RFX3: variants seen among roughly 807,000 people sequenced by gnomAD.
RFX3 encodes transcription factor RFX3.
A neutral mutation model predicts 98.6 loss-of-function variants in RFX3; 14 were observed. That is an observed-to-expected ratio of 0.14 (90% CI 0.09 to 0.22). The LOEUF (loss-of-function observed/expected upper bound fraction) is 0.22. Ranked by LOEUF, RFX3 falls within the 10% of genes least tolerant of loss-of-function variation. The pLI is 1.00. For missense variants in RFX3, 639 were observed against 926.9 expected (o/e 0.69, Z 4.03); for synonymous variants, 383 against 328.4 (o/e 1.17, Z -1.80).
chr9:3,249,605 T>A (rs1821116580), intron 14 of RFX3, among the ~76,000 whole-genome samples: 1 of 152,138 alleles, frequency 6.6e-6, no homozygotes, highest in African/African-American at 2.4e-5. Context: ...GTGGCAAGAA[T>A]AGCAATTATT....
intron 4 of RFX3, among the ~76,000 whole-genome samples, chr9:3,309,206 T>G (rs968209320): frequency 7.9e-5 from 12 of 152,110 alleles, no homozygotes; most frequent in African/African-American, 2.7e-4. Context: ...TTCCATGATT[T>G]CTCAGGAATT....
chr9:3,442,092 TG>T (rs1340005161), intron 1 of RFX3, among the ~76,000 whole-genome samples: 1 of 151,894 alleles, frequency 6.6e-6, no homozygotes, highest in Non-Finnish European at 1.5e-5. Flanking sequence ...CCCAGCTACT[TG>T]GGAGGCTGAG....
chr9:3,444,177 G>A (rs1235480168), intron 1 of RFX3, among the ~76,000 whole-genome samples: 5 of 151,982 alleles, frequency 3.3e-5, no homozygotes. Context: ...CTACCAACAG[G>A]TGAATATATA....
chr9:3,231,905 A>G (rs1183602535), intron 15 of RFX3, among the ~76,000 whole-genome samples: 1 of 152,060 alleles, frequency 6.6e-6, no homozygotes. Flanking sequence ...CTCCACTAAA[A>G]ATATAAAAAT....
At chr9:3,306,876 T>C (rs1406833019) in intron 4 of RFX3, among the ~76,000 whole-genome samples, 3 of 151,988 alleles carry the variant, frequency 2.0e-5, no homozygotes, top group Non-Finnish European at 2.9e-5. Context: ...AAGGGTAAGA[T>C]TGGTAATATG....
At chr9:3,271,310 A>G (rs567028323) in intron 9 of RFX3, among the ~76,000 whole-genome samples, 192 bp from the exon 10 acceptor site, 1 of 152,136 alleles carries the variant, frequency 6.6e-6, no homozygotes, top group South Asian at 2.1e-4. Flanking sequence ...GGAAGAAGAT[A>G]AAGAGGGGAA....
chr9:3,514,145 A>G (rs1817910668), intron 1 of RFX3, among the ~76,000 whole-genome samples: 1 of 152,200 alleles, frequency 6.6e-6, no homozygotes, highest in African/African-American at 2.4e-5. Context: ...TCACAAAACT[A>G]CACGAAGGTC....
Position 3,352,736 on chromosome 9 carries a change from C to G in RFX3, c.118-5972G>C, listed in dbSNP as rs376938673. 1.3e-3 allele frequency among the ~76,000 whole-genome samples: 197 copies of G among 152,062 alleles called. 1 individual carries two copies. Among genetic ancestry groups the G allele is most frequent in the African/African-American group, 4.5e-3 (185 of 41,492 alleles). ...CAAAAGGCATCATAAGATGGTGATC[C>G]TTAAGAGAATGGACACAAACAAGGT... On this transcript the variant is annotated intron_variant, in intron 2 of 16. Coordinates refer to ENST00000617270, the MANE Select transcript of RFX3 (RefSeq NM_001282116.2).
intron 7 of RFX3, among the ~76,000 whole-genome samples, chr9:3,284,436 C>CA (rs1030024361): frequency 6.6e-6 from 1 of 151,238 alleles, no homozygotes; most frequent in African/African-American, 2.4e-5. Flanking sequence ...CATTTTAGTG[C>CA]AAAAAAATTA....
chr9:3,352,707 G>C (rs931578364), intron 2 of RFX3, among the ~76,000 whole-genome samples: 1 of 152,056 alleles, frequency 6.6e-6, no homozygotes, highest in Non-Finnish European at 1.5e-5. Flanking sequence ...TTTCAGTCAT[G>C]TGACAAAAGG....
In RFX3 at chr9:3,423,661, G is replaced by C. The variant is rs1027751554; in HGVS notation, c.-8-28065C>G. Among the ~76,000 whole-genome samples, 6 of 151,544 alleles carry C rather than the reference G, an allele frequency of 4.0e-5. No individual in the cohort carries two copies. The South Asian group carries it at 1.2e-3, about 32-fold the overall frequency. On this transcript the variant is annotated intron_variant, in intron 1 of 16. Transcript: ENST00000617270. ...GGGGATGGGTACAAGGGAGCTTCGG[G>C]AAGTATAAAAATGTTCTACAACTTG...
At chr9:3,475,803 G>A (rs1164297345) in intron 1 of RFX3, among the ~76,000 whole-genome samples, 1 of 152,170 alleles carries the variant, frequency 6.6e-6, no homozygotes, top group Non-Finnish European at 1.5e-5. Context: ...CTGATGTCAG[G>A]CCCTCCACAA....
intron 1 of RFX3, among the ~76,000 whole-genome samples, chr9:3,443,704 C>T (rs1190118198): frequency 6.6e-6 from 1 of 152,070 alleles, no homozygotes; most frequent in African/African-American, 2.4e-5. Context: ...GATTTATATT[C>T]CCTTGGCTAT....
chr9:3,416,094 C>G (rs1842956096), intron 1 of RFX3, among the ~76,000 whole-genome samples: 1 of 152,146 alleles, frequency 6.6e-6, no homozygotes, highest in African/African-American at 2.4e-5. Context: ...AATAAGAGCA[C>G]TTACTTGGGA....
chr9:3,295,702 A>C (rs1756264188), intron 5 of RFX3, among the ~76,000 whole-genome samples: 1 of 152,136 alleles, frequency 6.6e-6, no homozygotes, highest in African/African-American at 2.4e-5. Context: ...GCATATTGTC[A>C]AAGGTATAAT....
intron 1 of RFX3, among the ~76,000 whole-genome samples, chr9:3,463,282 G>C (rs1203492955): frequency 2.0e-5 from 3 of 152,052 alleles, no homozygotes; most frequent in Non-Finnish European, 4.4e-5. Context: ...AAAAATTATT[G>C]TCTTTTTCAA....
At chr9:3,233,713 C>T (rs937648729) in intron 15 of RFX3, among the ~76,000 whole-genome samples, 1 of 152,158 alleles carries the variant, frequency 6.6e-6, no homozygotes, top group African/African-American at 2.4e-5. Context: ...ATCATTAATT[C>T]TTTGTAAGCA....
chr9:3,501,579 T>TA (rs1816011429), intron 1 of RFX3, among the ~76,000 whole-genome samples: 1 of 144,104 alleles, frequency 6.9e-6, no homozygotes, highest in South Asian at 2.2e-4. Flanking sequence ...TTTTTTGAGA[T>TA]AGAGTCTCAC....
At chr9:3,280,754 T>C (rs1825824196) in intron 7 of RFX3, among the ~76,000 whole-genome samples, 1 of 151,688 alleles carries the variant, frequency 6.6e-6, no homozygotes, top group Non-Finnish European at 1.5e-5. Context: ...CCCAAAATAT[T>C]TGAGAATGGA....
Sources: gnomAD v4.1 joint callset for allele counts (sites outside exome capture counted in the v4.1 genomes callset) on GRCh38, gnomAD v4.1.1 for gene constraint, MANE v1.5 for transcripts, NCBI Gene and HGNC (gene_info 2026-07-23, HGNC 2026-07-21) for gene names.